Variants in SLIT1 observed in about 807,000 individuals in gnomAD.
SLIT1 encodes the protein slit guidance ligand 1, also known as slit homolog 1 protein.
Under a neutral mutation model 186.1 loss-of-function variants are expected in SLIT1, and 66 were observed. The ratio of observed to expected loss-of-function variants is 0.35; its 90% CI spans 0.29 to 0.44. The LOEUF is 0.44. Ranked by LOEUF, SLIT1 falls within the 20% of genes least tolerant of loss-of-function variation. The probability of loss-of-function intolerance (pLI) is 1.00; values close to 1 mark genes in which losing one functional copy is unlikely to be tolerated. For missense variants in SLIT1, 1,638 were observed against 2,037.4 expected (o/e 0.80, Z 3.77); for synonymous variants, 761 against 833.8 (o/e 0.91, Z 1.50).
Position 97,027,488 on chromosome 10 carries a change from A to G in SLIT1, c.2582+3269T>C, listed in dbSNP as rs115994384. On this transcript the variant is annotated intron_variant, in intron 25 of 36. Transcript: ENST00000266058. ...AGTTTATCCACAAGCTTTCTTGATA[A>G]CAACTGAAGGTTTCTTTCACACAGA... 9.1e-3 allele frequency among the ~76,000 whole-genome samples: 1,392 copies of G among 152,362 alleles called. 21 individuals carry two copies. The highest frequency in any genetic ancestry group is 0.032 in the African/African-American group (1,327 of 41,584).
chr10:97,046,617 A>C, intron 18 of SLIT1, 37 bp downstream of exon 18: 4 of 1,559,276 alleles, frequency 2.6e-6, no homozygotes, highest in Non-Finnish European at 3.5e-6. Flanking sequence ...TGCCTCCTGC[A>C]GCTGGCCCAC....
chr10:97,112,524 C>T (rs1224708624), intron 4 of SLIT1, among the ~76,000 whole-genome samples: 4 of 152,170 alleles, frequency 2.6e-5, no homozygotes, highest in Non-Finnish European at 5.9e-5. Flanking sequence ...CTGTGCTGAG[C>T]CTTCACAGCA....
intron 21 of SLIT1, among the ~76,000 whole-genome samples, chr10:97,039,389 G>C (rs1848669748): frequency 6.6e-6 from 1 of 152,158 alleles, no homozygotes; most frequent in African/African-American, 2.4e-5. Context: ...ACTCAGTGCT[G>C]ACCCAGGGAA....
At chr10:97,166,589 A>G (rs1318361661) in intron 1 of SLIT1, among the ~76,000 whole-genome samples, 2 of 93,722 alleles carry the variant, frequency 2.1e-5, no homozygotes, top group Non-Finnish European at 4.4e-5. Flanking sequence ...GAAAGAAAGA[A>G]AGAAAGAAAG....
intron 4 of SLIT1, among the ~76,000 whole-genome samples, chr10:97,124,634 G>A (rs1036879214): frequency 6.6e-6 from 1 of 152,154 alleles, no homozygotes; most frequent in Non-Finnish European, 1.5e-5. Flanking sequence ...TTTGCAGACA[G>A]TCTTGAAGGT....
At chr10:97,139,688 C>T (rs1164241145) in intron 4 of SLIT1, among the ~76,000 whole-genome samples, 3 of 152,206 alleles carry the variant, frequency 2.0e-5, no homozygotes, top group Admixed American at 6.5e-5. Context: ...ACTGTCCCCT[C>T]TGAGAGCTGA....
intron 1 of SLIT1, among the ~76,000 whole-genome samples, chr10:97,179,829 T>G (rs1217981447): frequency 8.6e-6 from 1 of 115,884 alleles, no homozygotes; most frequent in Non-Finnish European, 1.8e-5. Flanking sequence ...CCCAGCTCCC[T>G]GGCTACTGCC....
chr10:97,031,796 G>A, intron 23 of SLIT1, 119 bp from the exon 24 acceptor site: 2 of 757,290 alleles, frequency 2.6e-6, no homozygotes, highest in East Asian at 2.7e-5. Flanking sequence ...CTCTGTGAGG[G>A]GAGGCAGAGC....
At chr10:97,113,273 T>G (rs1022345529) in intron 4 of SLIT1, among the ~76,000 whole-genome samples, 2 of 152,178 alleles carry the variant, frequency 1.3e-5, no homozygotes, top group Non-Finnish European at 2.9e-5. Context: ...GTTTTTGATA[T>G]GGAGTTTCAA....
chr10:97,138,346 G>A (rs937446716), intron 4 of SLIT1, among the ~76,000 whole-genome samples: 6 of 152,210 alleles, frequency 3.9e-5, no homozygotes, highest in African/African-American at 1.2e-4. Flanking sequence ...ATGTACAGCT[G>A]ACACCTGCAT....
chr10:97,015,054 C>A (rs368157670), intron 28 of SLIT1, among the ~76,000 whole-genome samples: 10 of 152,232 alleles, frequency 6.6e-5, no homozygotes, highest in East Asian at 3.9e-4. Context: ...CCCTGGGGCA[C>A]CCAAGGTTTT....
At chr10:97,149,105 T>C (rs945304624) in intron 4 of SLIT1, among the ~76,000 whole-genome samples, 1 of 152,326 alleles carries the variant, frequency 6.6e-6, no homozygotes, top group Non-Finnish European at 1.5e-5. Flanking sequence ...TGTAAAACCC[T>C]GTGTGGTTCT....
In SLIT1 at chr10:97,060,768, G is replaced by A. The variant is rs774778879; in HGVS notation, c.813C>T (p.Arg271=). The A allele has an allele frequency of 8.1e-6, 13 of 1,608,006 alleles. No individual in the cohort carries two copies. The highest frequency in any genetic ancestry group is 2.2e-5 in the East Asian group (1 of 44,850). Residue 271 remains arginine, a synonymous_variant, in exon 9 of 37, where the codon CGC becomes CGT. Transcript: ENST00000266058. ...CGGAGGACAGGGTGCAGGTGGGCAC[G>A]CGCCCCGCTTCTCCCTGGCCTGCAG... ...FSCSGQGEAG[R]VPTCTLSSGS...
intron 8 of SLIT1, 69 bp from the exon 9 acceptor site, chr10:97,060,856 C>A: frequency 6.8e-7 from 1 of 1,470,326 alleles, no homozygotes; most frequent in Non-Finnish European, 9.1e-7. Context: ...CAGATACCGA[C>A]TGATGGATGG....
chr10:97,145,752 G>A (rs1589410397), intron 4 of SLIT1, among the ~76,000 whole-genome samples: 3 of 152,270 alleles, frequency 2.0e-5, no homozygotes, highest in African/African-American at 7.2e-5. Context: ...GCAAGAGCAG[G>A]AGACACTCAG....
At chr10:97,157,673 G>T in intron 4 of SLIT1, 145 bp downstream of exon 4, 1 of 682,760 alleles carries the variant, frequency 1.5e-6, no homozygotes. Flanking sequence ...CCTGGCCTTT[G>T]ATGCCCTGGA....
chr10:97,165,768 C>A (rs963448640), intron 1 of SLIT1, among the ~76,000 whole-genome samples: 1 of 152,108 alleles, frequency 6.6e-6, no homozygotes, highest in African/African-American at 2.4e-5. Context: ...GAAGCGAGGC[C>A]ACCCCACCAT....
chr10:97,128,469 C>T (rs998198374), intron 4 of SLIT1, among the ~76,000 whole-genome samples: 2 of 152,204 alleles, frequency 1.3e-5, no homozygotes, highest in Non-Finnish European at 2.9e-5. Context: ...CCAGGAGACA[C>T]CCCACCAGCT....
chr10:97,021,564 T>C lies in SLIT1; in HGVS notation c.2583-151A>G, dbSNP rs1848502500. The stretch of plus-strand genomic sequence containing the variant: ...TACTGTATAGTCAGTGCTGCTTTTT[T>C]TTTTTTTTCTTTTTTTGAGATGGAG... On this transcript the variant is annotated intron_variant, in intron 25 of 36. Coordinates refer to ENST00000266058, the MANE Select transcript of SLIT1 (RefSeq NM_003061.3). The surrounding 1 kb of genome is among the most constrained non-coding windows in gnomAD (Gnocchi z 4.5). 3.4e-6 allele frequency: 2 copies of C among 593,726 alleles called. No individual in the cohort carries two copies. The highest frequency in any genetic ancestry group is 5.5e-6 in the Non-Finnish European group (2 of 366,102). 36.8% of individuals were successfully genotyped at this position (593,726 alleles called of 1,614,324 possible). A position where few individuals can be genotyped will look rare whatever the true frequency, so the allele number is the denominator to read the frequency against.
Sources: allele counts gnomAD v4.1 joint callset (sites outside exome capture counted in the v4.1 genomes callset), GRCh38; gene constraint gnomAD v4.1.1; non-coding constraint Gnocchi (gnomAD v3.1); transcripts MANE v1.5; gene names NCBI Gene and HGNC (gene_info 2026-07-23, HGNC 2026-07-21).